The following USP32 variants were observed in gnomAD, a reference collection of about 807,000 sequenced individuals.
USP32 encodes ubiquitin carboxyl-terminal hydrolase 32.
A neutral mutation model predicts 204.8 loss-of-function variants in USP32; 59 were observed. The ratio of observed to expected loss-of-function variants is 0.29; its 90% confidence interval spans 0.23 to 0.36. The LOEUF (loss-of-function observed/expected upper bound fraction) is 0.36. Among genes scored for constraint, USP32 ranks in the 10% least tolerant of loss-of-function variants. The pLI, the probability that USP32 is intolerant of heterozygous loss-of-function variation, is 1.00. For missense variants in USP32, 1,160 were observed against 1,946.4 expected, an observed-to-expected ratio of 0.60 and a Z score of 7.60; for synonymous variants, 517 against 678.4, an observed-to-expected ratio of 0.76 and a Z score of 3.70.
At chr17:60,392,660 CA>C (rs2089862974), upstream of USP32, 1 of 448,532 alleles carries the variant, frequency 2.2e-6, no homozygotes, top group East Asian at 7.4e-5. Context: ...AGGGAGCTCC[CA>C]ACCTTAGGGA....
intron 3 of USP32, among the ~76,000 whole-genome samples, chr17:60,297,348 A>C (rs1490614087): frequency 1.3e-5 from 2 of 152,144 alleles, no homozygotes; most frequent in African/African-American, 4.8e-5. Flanking sequence ...GCAGTGAGCT[A>C]TCTTGCCACT....
chr17:60,222,650 C>T (rs1187926026), intron 14 of USP32, 101 bp from the exon 15 acceptor site: 2 of 1,132,232 alleles, frequency 1.8e-6, no homozygotes, highest in Admixed American at 2.4e-5. Context: ...ATATCACCAC[C>T]CAGTTTCATG....
At position 60,181,566 on chromosome 17, in the gene USP32, C is replaced by A; in HGVS notation, c.4306G>T (p.Gly1436Trp). ...GCGTCAGCCAGCTCACATATCTGCCCAGCCCCATTTTCTTTGCTGGCATCC... is the reference window on the plus strand; with the variant it reads ...GCGTCAGCCAGCTCACATATCTGCCAAGCCCCATTTTCTTTGCTGGCATCC... ...NLDASKENGAGQICELADALS... is the reference protein window; with the variant it reads ...NLDASKENGAWQICELADALS... The change falls in exon 32 of 34, where the codon GGG (glycine) becomes TGG (tryptophan). Residue 1436 changes from glycine to tryptophan, a missense_variant. Gly to Trp is a radical substitution (Grantham distance 184). This residue lies in a region of USP32 where 244 missense variants were observed against 342.3 expected (regional missense o/e 0.71). Coordinates refer to ENST00000300896, the MANE Select transcript of USP32 (RefSeq NM_032582.4). 6.2e-7 allele frequency: 1 copy of A among 1,614,020 alleles called. No homozygotes were observed. The highest frequency in any genetic ancestry group is 8.5e-7 in the Non-Finnish European group (1 of 1,179,880).
intron 2 of USP32, among the ~76,000 whole-genome samples, chr17:60,310,080 G>T (rs899534843): frequency 6.6e-6 from 1 of 151,960 alleles, no homozygotes; most frequent in Admixed American, 6.6e-5. Flanking sequence ...AGAAAAGCAG[G>T]CAATAACAAA....
At chr17:60,215,237 G>T (rs1048524760) in intron 16 of USP32, among the ~76,000 whole-genome samples, 36 of 152,198 alleles carry the variant, frequency 2.4e-4, no homozygotes, top group Non-Finnish European at 3.7e-4. Flanking sequence ...TTCCCAAAGT[G>T]CTGGGATTAC....
intron 2 of USP32, among the ~76,000 whole-genome samples, chr17:60,322,453 C>A (rs1348178432): frequency 6.6e-6 from 1 of 152,162 alleles, no homozygotes; most frequent in Non-Finnish European, 1.5e-5. Context: ...ATTAGTAAAT[C>A]TTCACAAAAA....
At chr17:60,345,332 A>G in intron 2 of USP32, 149 bp downstream of exon 2, 1 of 1,095,820 alleles carries the variant, frequency 9.1e-7, no homozygotes, top group East Asian at 2.5e-5. Context: ...AGCCACGTTG[A>G]CATCTAAAAC....
rs1490431630 is a variant in USP32, at chr17:60,177,804, A to G, written c.*1451T>C. 1.3e-5 allele frequency among the ~76,000 whole-genome samples: 2 copies of G among 152,248 alleles called. No homozygotes were observed. Among genetic ancestry groups the G allele is most frequent in the Admixed American group, 1.3e-4 (2 of 15,290 alleles). On this transcript the variant is annotated 3_prime_UTR_variant, in exon 34 of 34. Transcript: ENST00000300896. ...TTAATAGTTACTGGCCTCAGATATC[A>G]GAACACAAATACTTAGTTACATTGG...
chr17:60,421,706 G>C (rs983531204), intron 1 of USP32: 20 of 801,582 alleles, frequency 2.5e-5, no homozygotes, highest in Non-Finnish European at 3.0e-5. Flanking sequence ...GCACCTCCCG[G>C]CCCTGCCCGG....
At chr17:60,266,359 A>G (rs2086592220) in intron 7 of USP32, among the ~76,000 whole-genome samples, 1 of 152,206 alleles carries the variant, frequency 6.6e-6, no homozygotes, top group Admixed American at 6.5e-5. Flanking sequence ...AATGCCTTAC[A>G]AACTGTCAAG....
At chr17:60,244,835 T>C (rs565233366) in intron 11 of USP32, among the ~76,000 whole-genome samples, 1 of 152,236 alleles carries the variant, frequency 6.6e-6, no homozygotes, top group African/African-American at 2.4e-5. Flanking sequence ...TTTTGCCATG[T>C]TGGCCAGGCT....
At chr17:60,394,750 A>T (rs978402034), upstream of USP32, among the ~76,000 whole-genome samples, 14 of 151,804 alleles carry the variant, frequency 9.2e-5, no homozygotes, top group African/African-American at 2.9e-4. Context: ...TTATTTATTT[A>T]TTTATTTTTT....
intron 31 of USP32, 121 bp from the exon 32 acceptor site, chr17:60,181,869 G>GT: frequency 7.0e-7 from 1 of 1,418,832 alleles, no homozygotes; most frequent in Non-Finnish European, 9.4e-7. Context: ...CAGGGCAGTC[G>GT]TGACTGGCTA....
intron 1 of USP32, among the ~76,000 whole-genome samples, chr17:60,415,066 A>C (rs1295393673): frequency 6.6e-6 from 1 of 152,002 alleles, no homozygotes; most frequent in South Asian, 2.1e-4. Context: ...AAAGAAAATA[A>C]ATTTTTCGTT....
rs1265696972 is a variant in USP32 at position 60,208,852 on chromosome 17, T to G, written c.2599-24A>C. 4 of 1,535,404 alleles carry G rather than the reference T, an allele frequency of 2.6e-6. No homozygotes were observed. The South Asian group carries it at 5.1e-5, about 20-fold the overall frequency. On this transcript the variant is annotated intron_variant, in intron 22 of 33. Coordinates refer to ENST00000300896, the MANE Select transcript of USP32 (RefSeq NM_032582.4). ...GCCTAGCAATAAAAAAGATGAGAATTTTCTCTCAAAATCCAAAAGAGAAGC... is the reference window on the plus strand; with the variant it reads ...GCCTAGCAATAAAAAAGATGAGAATGTTCTCTCAAAATCCAAAAGAGAAGC...
intron 5 of USP32, among the ~76,000 whole-genome samples, chr17:60,280,767 C>T (rs1340775538): frequency 6.6e-6 from 1 of 152,088 alleles, no homozygotes; most frequent in Non-Finnish European, 1.5e-5. Context: ...GTTCAATGTA[C>T]CAAATATTAT....
At chr17:60,249,520 G>A (rs1464068117) in intron 11 of USP32, 2 of 477,402 alleles carry the variant, frequency 4.2e-6, no homozygotes, top group Non-Finnish European at 7.4e-6. Context: ...TTCCCTCACT[G>A]TTTACCACCA....
chr17:60,271,623 C>T (rs1335944199), intron 5 of USP32, 142 bp from the exon 6 acceptor site: 1 of 825,366 alleles, frequency 1.2e-6, no homozygotes, highest in Non-Finnish European at 1.7e-6. Flanking sequence ...AAAAACAAAA[C>T]TGAAATTTAT....
At chr17:60,345,415 C>T in intron 2 of USP32, 66 bp downstream of exon 2, 1 of 1,586,842 alleles carries the variant, frequency 6.3e-7, no homozygotes, top group Non-Finnish European at 8.6e-7. Context: ...CAGAAGGCCC[C>T]TCAGGAATTT....
Sources: allele counts gnomAD v4.1 joint callset (sites outside exome capture counted in the v4.1 genomes callset), GRCh38; gene constraint gnomAD v4.1.1; regional missense constraint gnomAD v4.1.1; transcripts MANE v1.5; gene names NCBI Gene and HGNC (gene_info 2026-07-23, HGNC 2026-07-21).